ATL2: variants seen among roughly 807,000 people sequenced by gnomAD.
ATL2 encodes the protein atlastin-2.
A neutral mutation model predicts 73.9 loss-of-function variants in ATL2; 31 were observed. The observed-to-expected ratio is 0.42, with a 90% CI of 0.32 to 0.57. The LOEUF (loss-of-function observed/expected upper bound fraction) is 0.57. ATL2 is among the 20% of genes least tolerant of loss of function. ATL2 has a pLI of 0.14. For missense variants in ATL2, 738 were observed against 702.6 expected (o/e 1.05, Z -0.57); for synonymous variants, 291 against 237.5 (o/e 1.23, Z -2.07).
chr2:38,366,907 A>T (rs1014950332), intron 1 of ATL2, among the ~76,000 whole-genome samples: 2 of 152,134 alleles, frequency 1.3e-5, no homozygotes, highest in African/African-American at 4.8e-5. Flanking sequence ...CCAAAAGAAA[A>T]CTAACCCCAG....
intron 10 of ATL2, 22 bp from the exon 11 acceptor site, chr2:38,299,349 T>C (rs1273167185): frequency 6.6e-7 from 1 of 1,517,594 alleles, no homozygotes; most frequent in Non-Finnish European, 8.7e-7. Flanking sequence ...AATATGCCAT[T>C]ATTATGCAAA....
intron 1 of ATL2, chr2:38,376,382 G>A (rs1185190478): frequency 1.7e-6 from 1 of 582,894 alleles, no homozygotes; most frequent in Non-Finnish European, 2.7e-6. Flanking sequence ...CAAGGATCAG[G>A]TGACTTCACA....
chr2:38,339,756 T>C (rs1669596036), intron 2 of ATL2, among the ~76,000 whole-genome samples: 1 of 152,176 alleles, frequency 6.6e-6, no homozygotes, highest in South Asian at 2.1e-4. Flanking sequence ...GATGGCACAA[T>C]CTCGGCTCAC....
rs548331759 is a variant in ATL2, at chr2:38,334,953, T to C, written c.363+8315A>G. 2.2e-5 allele frequency among the ~76,000 whole-genome samples: 3 copies of C among 139,040 alleles called. No individual in the cohort carries two copies. The Admixed American group carries it at 2.3e-4, about 11-fold the overall frequency. The allele number at this position is 139,040 out of a possible 152,430, so 91.2% of individuals were successfully genotyped here. On this transcript the variant is annotated intron_variant, in intron 2 of 12. Coordinates refer to ENST00000378954, the MANE Select transcript of ATL2 (RefSeq NM_001135673.4). ...ATTATAATATATAACATTTATATAA[T>C]AAATATAATTAAATAAGCTAAACTT...
At chr2:38,345,107 G>A (rs1019444248) in intron 1 of ATL2, among the ~76,000 whole-genome samples, 1 of 151,996 alleles carries the variant, frequency 6.6e-6, no homozygotes, top group African/African-American at 2.4e-5. Flanking sequence ...ATCCCACGTA[G>A]CAACTAGTTA....
chr2:38,369,699 G>C (rs967857104), intron 1 of ATL2, among the ~76,000 whole-genome samples: 1 of 151,886 alleles, frequency 6.6e-6, no homozygotes, highest in African/African-American at 2.4e-5. Flanking sequence ...CTGCATATTT[G>C]AGACCCTATC....
chr2:38,297,462 C>T (rs1429321523), intron 12 of ATL2, among the ~76,000 whole-genome samples: 1 of 152,104 alleles, frequency 6.6e-6, no homozygotes, highest in African/African-American at 2.4e-5. Context: ...TCCAGCACAC[C>T]GGAGGCAGAT....
intron 1 of ATL2, among the ~76,000 whole-genome samples, chr2:38,364,936 A>C (rs1573584700): frequency 6.6e-6 from 1 of 151,954 alleles, no homozygotes. Context: ...CCCAGCTACT[A>C]GGGAGGCTGA....
chr2:38,319,710 T>C (rs1339369141), intron 2 of ATL2, among the ~76,000 whole-genome samples: 1 of 152,136 alleles, frequency 6.6e-6, no homozygotes, highest in Non-Finnish European at 1.5e-5. Context: ...GTTACACAGA[T>C]AAGCAAAACT....
intron 1 of ATL2, among the ~76,000 whole-genome samples, chr2:38,361,858 G>A (rs1040918124): frequency 6.6e-6 from 1 of 152,218 alleles, no homozygotes; most frequent in Admixed American, 6.5e-5. Context: ...GAGAGGAAAT[G>A]TGGATCTTCG....
upstream of ATL2, among the ~76,000 whole-genome samples, chr2:38,377,740 C>G (rs370060393): frequency 6.6e-6 from 1 of 151,900 alleles, no homozygotes; most frequent in East Asian, 1.9e-4. Context: ...TCATCGCCCC[C>G]TCCTCATCAC....
intron 4 of ATL2, among the ~76,000 whole-genome samples, chr2:38,315,899 G>C (rs1225276688): frequency 6.6e-6 from 1 of 152,168 alleles, no homozygotes; most frequent in Non-Finnish European, 1.5e-5. Context: ...CTGGCCTGTG[G>C]AAGCTAATAA....
chr2:38,377,111 G>A, intron 1 of ATL2, 32 bp downstream of exon 1: 1 of 1,595,312 alleles, frequency 6.3e-7, no homozygotes, highest in Non-Finnish European at 8.6e-7. Context: ...TCCCCATCAG[G>A]GCCCCGCGGC....
At chr2:38,344,568 C>T (rs903575870) in intron 1 of ATL2, among the ~76,000 whole-genome samples, 1 of 152,152 alleles carries the variant, frequency 6.6e-6, no homozygotes, top group Non-Finnish European at 1.5e-5. Context: ...TGAGATTGCA[C>T]CACTGCATTC....
intron 1 of ATL2, among the ~76,000 whole-genome samples, chr2:38,372,559 CT>C (rs927056821): frequency 2.0e-5 from 3 of 152,140 alleles, no homozygotes; most frequent in African/African-American, 7.2e-5. Context: ...ATGAAATTAA[CT>C]CATATGAAAT....
intron 1 of ATL2, 106 bp from the exon 2 acceptor site, chr2:38,343,618 C>T: frequency 1.0e-6 from 1 of 953,160 alleles, no homozygotes; most frequent in Non-Finnish European, 1.6e-6. Flanking sequence ...TGCCCCCTCC[C>T]CCCATTATAG....
At chr2:38,327,124 A>C (rs1668707086) in intron 2 of ATL2, among the ~76,000 whole-genome samples, 1 of 152,226 alleles carries the variant, frequency 6.6e-6, no homozygotes, top group African/African-American at 2.4e-5. Context: ...AAAGAAGTAA[A>C]GACTTTCTTA....
chr2:38,336,338 T>C (rs372244571), intron 2 of ATL2, among the ~76,000 whole-genome samples: 9 of 152,206 alleles, frequency 5.9e-5, no homozygotes, highest in African/African-American at 2.2e-4. Flanking sequence ...GCTCTTTAAA[T>C]AGCAAAGAAT....
In ATL2 at chr2:38,334,244, G is replaced by C. The variant is rs374547211; in HGVS notation, c.363+9024C>G. ...GGTGTTTCACCATGTTGGCCAGGCC[G>C]GTCTTGAACTCCTGGCCTCAAGCAG... is the stretch of plus-strand genomic sequence containing the variant. On this transcript the variant is annotated intron_variant, in intron 2 of 12. Transcript: ENST00000378954. Among the ~76,000 whole-genome samples the C allele has an allele frequency of 5.3e-5, 8 of 151,692 alleles. No homozygotes were observed. The South Asian group carries it at 8.4e-4, about 16-fold the overall frequency.
Sources: allele counts gnomAD v4.1 joint callset (sites outside exome capture counted in the v4.1 genomes callset), GRCh38; gene constraint gnomAD v4.1.1; transcripts MANE v1.5; gene names NCBI Gene and HGNC (gene_info 2026-07-23, HGNC 2026-07-21).